Variants in HSF5 observed in about 807,000 individuals in gnomAD.
The protein encoded by HSF5 is heat shock transcription factor 5.
In HSF5, 5 loss-of-function variants were observed where a neutral mutation model predicts 50.8. The observed-to-expected ratio is 0.10, with a 90% CI of 0.05 to 0.21. The LOEUF is 0.21. HSF5 is among the 10% of genes least tolerant of loss of function. The probability of loss-of-function intolerance (pLI) is 1.00; values close to 1 mark genes in which losing one functional copy is unlikely to be tolerated. For synonymous variants in HSF5, 307 were observed against 307.4 expected (o/e 1.00, Z 0.02); for missense variants, 564 against 762.6 (o/e 0.74, Z 3.07).
chr17:58,487,688 C>A, intron 1 of HSF5, 37 bp downstream of exon 1: 1 of 1,367,232 alleles, frequency 7.3e-7, no homozygotes, highest in East Asian at 2.9e-5. Context: ...CGCCCATGTG[C>A]CCACTGTGGG....
At chr17:58,473,949 A>C (rs1974979626) in intron 2 of HSF5, among the ~76,000 whole-genome samples, 1 of 152,088 alleles carries the variant, frequency 6.6e-6, no homozygotes, top group East Asian at 1.9e-4. Flanking sequence ...GAGCTCAAGC[A>C]ATCTTCCCAC....
chr17:58,484,283 CT>C (rs1975138950), intron 1 of HSF5, among the ~76,000 whole-genome samples: 1 of 151,032 alleles, frequency 6.6e-6, no homozygotes, highest in Non-Finnish European at 1.5e-5. Context: ...ATAATCTATA[CT>C]GAAAAACCAT....
intron 5 of HSF5, among the ~76,000 whole-genome samples, chr17:58,422,965 G>C (rs1228860373): frequency 6.6e-6 from 1 of 152,128 alleles, no homozygotes; most frequent in Admixed American, 6.5e-5. Flanking sequence ...CAAAGTGCTG[G>C]GATGACAGGC....
At chr17:58,483,111 C>T (rs1567919916) in intron 1 of HSF5, among the ~76,000 whole-genome samples, 1 of 39,546 alleles carries the variant, frequency 2.5e-5, no homozygotes, top group Non-Finnish European at 4.0e-5. Flanking sequence ...TCCTGGGATG[C>T]TCGCAGTCAA....
At chr17:58,456,662 T>G (rs1270066429) in intron 5 of HSF5, among the ~76,000 whole-genome samples, 1 of 152,190 alleles carries the variant, frequency 6.6e-6, no homozygotes, top group Non-Finnish European at 1.5e-5. Context: ...AAAATCACAT[T>G]GTACCTCATA....
At chr17:58,481,109 T>C (rs1441663714) in intron 1 of HSF5, among the ~76,000 whole-genome samples, 4 of 152,212 alleles carry the variant, frequency 2.6e-5, no homozygotes. Context: ...TTAAAAATGA[T>C]AATCTTTATA....
chr17:58,425,589 A>AAAAAAAAAAAAC (rs2143722518), intron 5 of HSF5, among the ~76,000 whole-genome samples: 1 of 150,846 alleles, frequency 6.6e-6, no homozygotes, highest in African/African-American at 2.4e-5. Context: ...AAAAAAAAAA[A>AAAAAAAAAAAAC]AAAAAAAAAA....
intron 5 of HSF5, among the ~76,000 whole-genome samples, chr17:58,446,901 C>T (rs1033393317): frequency 2.0e-5 from 3 of 152,162 alleles, no homozygotes; most frequent in Admixed American, 6.5e-5. Flanking sequence ...CCGAGGAGGG[C>T]GGATCATGAG....
At chr17:58,454,484 G>C (rs1233362046) in intron 5 of HSF5, among the ~76,000 whole-genome samples, 1 of 152,104 alleles carries the variant, frequency 6.6e-6, no homozygotes, top group Admixed American at 6.5e-5. Flanking sequence ...ATTCTAGCCA[G>C]ACCAATTAGG....
rs1260170265 is a variant in HSF5, at chr17:58,421,269, C to T, written c.*1091G>A. On this transcript the variant is annotated 3_prime_UTR_variant, in exon 6 of 6. Coordinates refer to ENST00000323777, the MANE Select transcript of HSF5 (RefSeq NM_001080439.3). ...ACCATCTATCCCATTATCCAAAATT[C>T]TCTCAGAAGCTTAAACCAGATTGAA... 1 of 152,634 alleles carries T rather than the reference C, an allele frequency of 6.6e-6. No individual in the cohort carries two copies. The highest frequency in any genetic ancestry group is 2.4e-5 in the African/African-American group (1 of 41,442). 9.5% of individuals were successfully genotyped at this position (152,634 alleles called of 1,614,324 possible).
At chr17:58,430,449 GA>G (rs1275267045) in intron 5 of HSF5, among the ~76,000 whole-genome samples, 2 of 152,208 alleles carry the variant, frequency 1.3e-5, no homozygotes, top group African/African-American at 4.8e-5. Context: ...ACTAGGTGGG[GA>G]AGATCTGCTC....
At chr17:58,438,945 C>T (rs1247544435) in intron 5 of HSF5, among the ~76,000 whole-genome samples, 2 of 151,748 alleles carry the variant, frequency 1.3e-5, no homozygotes, top group Non-Finnish European at 2.9e-5. Flanking sequence ...AGTGAGACTC[C>T]ATCTCTTTGA....
At chr17:58,476,299 A>G in intron 2 of HSF5, 1 of 1,037,696 alleles carries the variant, frequency 9.6e-7, no homozygotes, top group Non-Finnish European at 1.5e-6. Flanking sequence ...GTGGTACTGT[A>G]ATGGGTTTGG....
chr17:58,476,442 A>T, intron 2 of HSF5: 1 of 1,060,658 alleles, frequency 9.4e-7, no homozygotes, highest in Non-Finnish European at 1.5e-6. Context: ...TTTAACTTGA[A>T]CGCTTTGTCA....
At chr17:58,485,746 CAA>C (rs35831142) in intron 1 of HSF5, among the ~76,000 whole-genome samples, 26 of 115,568 alleles carry the variant, frequency 2.2e-4, no homozygotes, top group Admixed American at 7.4e-4. Context: ...AACCCTATCT[CAA>C]AAAAAAAAAA....
chr17:58,458,995 TA>T (rs1390561149), intron 4 of HSF5, 50 bp from the exon 5 acceptor site: 1 of 1,500,324 alleles, frequency 6.7e-7, no homozygotes. Flanking sequence ...AAATATCTGC[TA>T]AAAGTTAAGA....
chr17:58,426,675 A>T (rs1487836227), intron 5 of HSF5, among the ~76,000 whole-genome samples: 1 of 152,236 alleles, frequency 6.6e-6, no homozygotes, highest in East Asian at 1.9e-4. Context: ...TGACTGTAAA[A>T]CTAAACATCC....
At chr17:58,434,332 C>G (rs551963964) in intron 5 of HSF5, among the ~76,000 whole-genome samples, 2 of 152,100 alleles carry the variant, frequency 1.3e-5, no homozygotes, top group South Asian at 4.2e-4. Flanking sequence ...AATCCCAGCA[C>G]TTTGGGAGGA....
At chr17:58,454,254 T>A (rs1223121031) in intron 5 of HSF5, among the ~76,000 whole-genome samples, 6 of 149,782 alleles carry the variant, frequency 4.0e-5, no homozygotes, top group African/African-American at 1.5e-4. Flanking sequence ...AAAAAATAAA[T>A]AAAAAAATAA....
Sources: allele counts gnomAD v4.1 joint callset (sites outside exome capture counted in the v4.1 genomes callset), GRCh38; gene constraint gnomAD v4.1.1; transcripts MANE v1.5; gene names NCBI Gene and HGNC (gene_info 2026-07-23, HGNC 2026-07-21).